Variants in AKAP6 observed in about 807,000 individuals in gnomAD.
AKAP6 encodes A-kinase anchor protein 6.
A neutral mutation model predicts 188.5 loss-of-function variants in AKAP6; 58 were observed. That is an observed-to-expected ratio of 0.31 (90% CI 0.25 to 0.38). The LOEUF is 0.38. Ranked by LOEUF, AKAP6 falls within the 10% of genes least tolerant of loss-of-function variation. The probability of loss-of-function intolerance (pLI) is 1.00; values close to 1 mark genes in which losing one functional copy is unlikely to be tolerated. For synonymous variants in AKAP6, 989 were observed against 998.6 expected, an observed-to-expected ratio of 0.99 and a Z score of 0.18; for missense variants, 2,710 against 2,740.0, an observed-to-expected ratio of 0.99 and a Z score of 0.24.
intron 7 of AKAP6, among the ~76,000 whole-genome samples, chr14:32,643,372 ATCTC>A: frequency 6.6e-6 from 1 of 151,250 alleles, no homozygotes; most frequent in East Asian, 2.0e-4. Flanking sequence ...CAGTGGCATG[ATCTC>A]GGCTCACTGC....
intron 1 of AKAP6, among the ~76,000 whole-genome samples, chr14:32,419,049 G>T: frequency 6.6e-6 from 1 of 152,208 alleles, no homozygotes; most frequent in East Asian, 1.9e-4. Flanking sequence ...TTCAATTTAG[G>T]TGGCTAATTA....
rs1233839923 is a variant in AKAP6 at position 32,799,450 on chromosome 14, GT to G, written c.3589-21949del. ...CGAATATATGCACTTAATGCTGTAA[GT>G]TTCCCTCTAAGCTCTAAGCACTACT... On this transcript the variant is annotated intron_variant, in intron 12 of 13. Transcript: ENST00000280979. Among the ~76,000 whole-genome samples, 3 of 62,296 alleles carry G rather than the reference GT, an allele frequency of 4.8e-5. No homozygotes were observed. The East Asian group carries it at 1.7e-3, about 35-fold the overall frequency. 40.9% of individuals were successfully genotyped at this position (62,296 alleles called of 152,430 possible).
intron 1 of AKAP6, among the ~76,000 whole-genome samples, chr14:32,384,702 C>G (rs1888471751): frequency 6.6e-6 from 1 of 152,170 alleles, no homozygotes. Context: ...GGGGGTTCAG[C>G]TCCACCCTTC....
intron 2 of AKAP6, among the ~76,000 whole-genome samples, chr14:32,493,314 C>T (rs186111773): frequency 6.4e-4 from 98 of 152,224 alleles, no homozygotes; most frequent in African/African-American, 2.2e-3. Context: ...TTGGGCAGTC[C>T]TCCCACCTCA....
chr14:32,545,628 G>A lies in AKAP6; in HGVS notation c.975G>A (p.Val325=). 1.2e-6 allele frequency: 2 copies of A among 1,614,174 alleles called. No individual in the cohort carries two copies. Among genetic ancestry groups the A allele is most frequent in the South Asian group, 2.2e-5 (2 of 91,084 alleles). ...AGCAACCAGGCTTAACACTGGGGGT[G>A]TCATCATCTTCAGGAGAAGCTCTGA... ...VEEQPGLTLG[V]SSSSGEALTN... Residue 325 remains valine, a synonymous_variant, in exon 4 of 14, where the codon GTG becomes GTA. Coordinates refer to ENST00000280979, the MANE Select transcript of AKAP6 (RefSeq NM_004274.5).
At chr14:32,754,258 A>G (rs955997323) in intron 11 of AKAP6, among the ~76,000 whole-genome samples, 1 of 151,966 alleles carries the variant, frequency 6.6e-6, no homozygotes, top group Non-Finnish European at 1.5e-5. Flanking sequence ...TAAAATGACC[A>G]TCTTTGTCTC....
intron 7 of AKAP6, among the ~76,000 whole-genome samples, chr14:32,635,378 G>A (rs1887441559): frequency 6.6e-6 from 1 of 152,022 alleles, no homozygotes; most frequent in South Asian, 2.1e-4. Flanking sequence ...AGTAACTGGG[G>A]CTCCATATGG....
intron 4 of AKAP6, among the ~76,000 whole-genome samples, chr14:32,547,212 T>A (rs2383340): frequency 0.19 from 28,790 of 152,224 alleles, 3,989 homozygotes; most frequent in African/African-American, 0.39. Context: ...ATTAGCTTGA[T>A]GTGCTCCTGC....
intron 1 of AKAP6, among the ~76,000 whole-genome samples, chr14:32,350,377 C>T (rs557541396): frequency 2.6e-5 from 4 of 152,072 alleles, no homozygotes; most frequent in South Asian, 2.1e-4. Flanking sequence ...TCAGATAAAC[C>T]GAGACTGGGG....
At chr14:32,705,476 T>C (rs1289900728) in intron 9 of AKAP6, among the ~76,000 whole-genome samples, 2 of 152,174 alleles carry the variant, frequency 1.3e-5, no homozygotes, top group African/African-American at 4.8e-5. Flanking sequence ...TTTTCTGGTA[T>C]TGAGATGGGT....
intron 1 of AKAP6, among the ~76,000 whole-genome samples, chr14:32,331,285 C>T (rs1425970174): frequency 1.3e-5 from 2 of 152,012 alleles, no homozygotes; most frequent in Non-Finnish European, 2.9e-5. Context: ...TCTTCAGCTG[C>T]TTCATCATGG....
At chr14:32,676,477 A>C (rs1307577445) in intron 7 of AKAP6, among the ~76,000 whole-genome samples, 4 of 152,190 alleles carry the variant, frequency 2.6e-5, no homozygotes, top group Admixed American at 2.6e-4. Context: ...TAAAGATACT[A>C]ACATCACTAG....
At chr14:32,471,796 G>A (rs1878798142) in intron 2 of AKAP6, among the ~76,000 whole-genome samples, 2 of 152,140 alleles carry the variant, frequency 1.3e-5, no homozygotes, top group Non-Finnish European at 2.9e-5. Context: ...ATTGCTTCTA[G>A]ACTGGAGTTT....
chr14:32,636,500 T>C (rs1246811584), intron 7 of AKAP6, among the ~76,000 whole-genome samples: 1 of 151,966 alleles, frequency 6.6e-6, no homozygotes, highest in African/African-American at 2.4e-5. Flanking sequence ...GGTTCAAAGA[T>C]GGGAAAGTTC....
At chr14:32,613,926 A>G (rs974577614) in intron 7 of AKAP6, among the ~76,000 whole-genome samples, 1 of 152,182 alleles carries the variant, frequency 6.6e-6, no homozygotes, top group African/African-American at 2.4e-5. Flanking sequence ...ACAGAAAACA[A>G]AATGTATTTT....
chr14:32,398,851 T>TG (rs1888975540), intron 1 of AKAP6, among the ~76,000 whole-genome samples: 2 of 110,444 alleles, frequency 1.8e-5, no homozygotes, highest in Admixed American at 2.0e-4. Flanking sequence ...CCTGTTTTTT[T>TG]TTTTTTTTTT....
intron 7 of AKAP6, among the ~76,000 whole-genome samples, chr14:32,624,300 C>A (rs1342300409): frequency 6.6e-6 from 1 of 152,100 alleles, no homozygotes; most frequent in Admixed American, 6.6e-5. Flanking sequence ...AAATAGTCTT[C>A]TTTTCTTAAA....
In AKAP6 at chr14:32,545,219, G is replaced by T; in HGVS notation, c.577-11G>T. On this transcript the variant is annotated splice_polypyrimidine_tract_variant and intron_variant, in intron 3 of 13. Coordinates refer to ENST00000280979, the MANE Select transcript of AKAP6 (RefSeq NM_004274.5). ...TGCATTTACTGAAACCATTGCCATT[G>T]TCTGTTTCAGGGCCGGCTTGATTCT... 5 of 1,607,458 alleles carry T rather than the reference G, an allele frequency of 3.1e-6. No individual in the cohort carries two copies. The highest frequency in any genetic ancestry group is 4.3e-6 in the Non-Finnish European group (5 of 1,175,068).
intron 9 of AKAP6, among the ~76,000 whole-genome samples, chr14:32,716,596 C>T (rs1054961883): frequency 4.7e-5 from 7 of 147,954 alleles, no homozygotes; most frequent in African/African-American, 1.2e-4. Flanking sequence ...TTAGAAAATA[C>T]ATAATATATA....
Sources: allele counts gnomAD v4.1 joint callset (sites outside exome capture counted in the v4.1 genomes callset), GRCh38; gene constraint gnomAD v4.1.1; transcripts MANE v1.5; gene names NCBI Gene and HGNC (gene_info 2026-07-23, HGNC 2026-07-21).